The following WASHC3 variants were observed in gnomAD, a reference collection of about 807,000 sequenced individuals.
The protein encoded by WASHC3 is WASH complex subunit CCDC53.
Under a neutral mutation model 26.1 loss-of-function variants are expected in WASHC3, and 24 were observed. That is an observed-to-expected ratio of 0.92 (90% CI 0.66 to 1.29). The LOEUF is 1.29. WASHC3 is among the 50% of genes most tolerant of loss of function. The pLI, the probability that WASHC3 is intolerant of heterozygous loss-of-function variation, is 0.00. For missense variants in WASHC3, 214 were observed against 229.6 expected (o/e 0.93, Z 0.44); for synonymous variants, 77 against 75.7 (o/e 1.02, Z -0.09).
chr12:102,050,146 CTACAAAAAA>C, intron 2 of WASHC3: 1 of 335,820 alleles, frequency 3.0e-6, no homozygotes, highest in Non-Finnish European at 5.9e-6. Context: ...AACCCTGTCT[CTACAAAAAA>C]TACAAAAAAT....
intron 2 of WASHC3, chr12:102,050,373 C>T (rs1486746276): frequency 4.7e-6 from 2 of 426,832 alleles, no homozygotes; most frequent in Non-Finnish European, 4.6e-6. Context: ...AATTCCAGCA[C>T]TTGGGAGGCC....
chr12:102,039,293 A>T (rs1471792829), intron 5 of WASHC3, among the ~76,000 whole-genome samples: 3 of 152,002 alleles, frequency 2.0e-5, no homozygotes, highest in African/African-American at 7.3e-5. Flanking sequence ...TTTGATTAAC[A>T]GAAAAATGAT....
rs150657813 is a variant in WASHC3 at position 102,014,719 on chromosome 12, C to T, written c.501-1527G>A. Among the ~76,000 whole-genome samples, 742 of 152,236 alleles carry T rather than the reference C, an allele frequency of 4.9e-3. 7 individuals are homozygous for T. Among genetic ancestry groups the T allele is most frequent in the African/African-American group, 0.017 (715 of 41,530 alleles). On this transcript the variant is annotated intron_variant, in intron 6 of 6. Transcript: ENST00000240079. ...ACTTTAAAGCTGGGTACAGCAGTTC[C>T]AGGATTTGACTGATGCTCCATCTGC...
intron 6 of WASHC3, among the ~76,000 whole-genome samples, chr12:102,018,328 A>G (rs1876798932): frequency 6.6e-6 from 1 of 152,216 alleles, no homozygotes; most frequent in Admixed American, 6.5e-5. Flanking sequence ...GTACATCCCC[A>G]AAAGTGGAAG....
chr12:102,040,000 A>T lies in WASHC3; in HGVS notation c.325-22T>A, dbSNP rs545590918. The T allele has an allele frequency of 3.1e-5, 37 of 1,183,952 alleles. 1 individual carries two copies. Among genetic ancestry groups the T allele is most frequent in the South Asian group, 8.7e-5 (6 of 69,054 alleles). The allele number at this position is 1,183,952 out of a possible 1,614,324, so 73.3% of individuals were successfully genotyped here. A position where few individuals can be genotyped will look rare whatever the true frequency, so the allele number is the denominator to read the frequency against. ...TCTGCTGTAGAGAGTATTTGGTGTA[A>T]ATCTTTAGACAATTTACAAAAGGGG... On this transcript the variant is annotated intron_variant, in intron 4 of 6. Coordinates refer to ENST00000240079, the MANE Select transcript of WASHC3 (RefSeq NM_016053.4).
intron 6 of WASHC3, among the ~76,000 whole-genome samples, chr12:102,014,897 G>A (rs762856932): frequency 3.6e-4 from 55 of 152,282 alleles, no homozygotes; most frequent in Non-Finnish European, 6.0e-4. Flanking sequence ...TGTTAAGTAG[G>A]AAAACATTAC....
Position 102,045,737 on chromosome 12 carries a change from T to C in WASHC3, c.216+317A>G, listed in dbSNP as rs141045907. Reference sequence around the variant, plus strand: ...TAGTATTGTATTATCAAATAATAACTAGTAAAATAAATCTGGAATTTTCTA... The same window carrying C: ...TAGTATTGTATTATCAAATAATAACCAGTAAAATAAATCTGGAATTTTCTA... On this transcript the variant is annotated intron_variant, in intron 3 of 6. Coordinates refer to ENST00000240079, the MANE Select transcript of WASHC3 (RefSeq NM_016053.4). 2.3e-3 allele frequency among the ~76,000 whole-genome samples: 352 copies of C among 152,358 alleles called. 3 individuals are homozygous for C. The highest frequency in any genetic ancestry group is 7.8e-3 in the African/African-American group (326 of 41,586).
At chr12:102,047,067 A>G (rs1878197128) in intron 2 of WASHC3, among the ~76,000 whole-genome samples, 1 of 152,222 alleles carries the variant, frequency 6.6e-6, no homozygotes, top group Non-Finnish European at 1.5e-5. Flanking sequence ...CTGTATAATT[A>G]AATTGTCAAT....
chr12:102,038,151 G>A (rs1212035965), intron 5 of WASHC3, among the ~76,000 whole-genome samples: 2 of 152,028 alleles, frequency 1.3e-5, no homozygotes, highest in African/African-American at 4.8e-5. Flanking sequence ...ACTTGTTGAC[G>A]TAATTAGTAA....
chr12:102,029,030 A>ACTAC (rs1461646167), intron 5 of WASHC3, among the ~76,000 whole-genome samples: 1 of 152,158 alleles, frequency 6.6e-6, no homozygotes, highest in Non-Finnish European at 1.5e-5. Context: ...ACTTACTATC[A>ACTAC]CTACCTTAAT....
At chr12:102,060,944 GACCCTGTCTCAC>G in intron 2 of WASHC3, among the ~76,000 whole-genome samples, 1 of 107,926 alleles carries the variant, frequency 9.3e-6, no homozygotes, top group East Asian at 2.9e-4. Context: ...GACAGAGTGA[GACCCTGTCTCAC>G]AAAAAAAAAA....
chr12:102,051,704 A>G (rs538488565), intron 2 of WASHC3, among the ~76,000 whole-genome samples: 4 of 152,326 alleles, frequency 2.6e-5, no homozygotes, highest in African/African-American at 9.6e-5. Flanking sequence ...TGCAGCTACA[A>G]CTACTGGGGG....
intron 5 of WASHC3, among the ~76,000 whole-genome samples, chr12:102,034,135 G>T (rs1364359684): frequency 1.3e-5 from 2 of 152,056 alleles, no homozygotes; most frequent in African/African-American, 4.8e-5. Context: ...ATAGCCAGTG[G>T]TCAAATTTGC....
chr12:102,046,244 T>A (rs1878157848), intron 2 of WASHC3, 125 bp from the exon 3 acceptor site: 1 of 566,736 alleles, frequency 1.8e-6, no homozygotes, highest in African/African-American at 1.9e-5. Flanking sequence ...AGTACTGTCT[T>A]ATTTACATGA....
At chr12:102,043,270 T>C (rs1179157449) in intron 4 of WASHC3, among the ~76,000 whole-genome samples, 2 of 152,100 alleles carry the variant, frequency 1.3e-5, no homozygotes, top group Non-Finnish European at 2.9e-5. Context: ...TTTATTTATT[T>C]ATTTATTTTT....
chr12:102,016,071 G>A (rs112218909), intron 6 of WASHC3, among the ~76,000 whole-genome samples: 4 of 152,042 alleles, frequency 2.6e-5, no homozygotes, highest in Non-Finnish European at 5.9e-5. Flanking sequence ...TTTACTTTTG[G>A]TAGAGAGCGG....
At chr12:102,042,947 A>G (rs1878000698) in intron 4 of WASHC3, among the ~76,000 whole-genome samples, 1 of 152,244 alleles carries the variant, frequency 6.6e-6, no homozygotes, top group South Asian at 2.1e-4. Flanking sequence ...AAAAAGTAAT[A>G]GAAAATTTAA....
At chr12:102,042,289 T>C (rs1412573039) in intron 4 of WASHC3, among the ~76,000 whole-genome samples, 1 of 152,192 alleles carries the variant, frequency 6.6e-6, no homozygotes, top group African/African-American at 2.4e-5. Flanking sequence ...AATAAATGGA[T>C]GTTAAATTTT....
At chr12:102,057,134 T>C (rs1013728277) in intron 2 of WASHC3, among the ~76,000 whole-genome samples, 41 of 152,150 alleles carry the variant, frequency 2.7e-4, no homozygotes, top group African/African-American at 8.9e-4. Flanking sequence ...GTAAAGGTGA[T>C]ACATCACATT....
Sources: allele counts gnomAD v4.1 joint callset (sites outside exome capture counted in the v4.1 genomes callset), GRCh38; gene constraint gnomAD v4.1.1; transcripts MANE v1.5; gene names NCBI Gene and HGNC (gene_info 2026-07-23, HGNC 2026-07-21).